MAF: variants seen among roughly 807,000 people sequenced by gnomAD.
The protein encoded by MAF is MAF bZIP transcription factor.
MAF carries 10 observed loss-of-function variants against 22.0 expected under a neutral mutation model. The observed-to-expected ratio is 0.45, with a 90% CI of 0.28 to 0.77. The LOEUF (loss-of-function observed/expected upper bound fraction) is 0.77, where lower values mean the gene tolerates loss of function less well. MAF is among the 30% of genes least tolerant of loss of function. MAF has a pLI of 0.12. For synonymous variants in MAF, 337 were observed against 255.8 expected, an observed-to-expected ratio of 1.32 and a Z score of -3.03; for missense variants, 544 against 548.4, an observed-to-expected ratio of 0.99 and a Z score of 0.08.
the MAF span, among the ~76,000 whole-genome samples, chr16:79,568,281 C>G: frequency 6.6e-5 from 10 of 152,198 alleles, no homozygotes; most frequent in Non-Finnish European, 1.2e-4. Context: ...CTAATGGTCC[C>G]TGGTGTCTTC....
At chr16:79,364,277 G>A in the MAF span, among the ~76,000 whole-genome samples, 8 of 152,174 alleles carry the variant, frequency 5.3e-5, no homozygotes, top group African/African-American at 1.9e-4. Context: ...GGAACTCAAG[G>A]TAGGGAAGGA....
the MAF span, among the ~76,000 whole-genome samples, chr16:79,311,927 G>C: frequency 6.6e-6 from 1 of 152,148 alleles, no homozygotes; most frequent in Non-Finnish European, 1.5e-5. Flanking sequence ...CTAGCCCATG[G>C]TAGTGAGGCA....
the MAF span, among the ~76,000 whole-genome samples, chr16:79,225,681 A>C: frequency 6.6e-6 from 1 of 152,218 alleles, no homozygotes; most frequent in East Asian, 1.9e-4. Context: ...AATTTACAAG[A>C]AAAAAAACCA....
At chr16:79,211,775 G>A in the MAF span, 1 of 1,614,124 alleles carries the variant, frequency 6.2e-7, no homozygotes, top group East Asian at 2.2e-5. Context: ...TCCAAGAACG[G>A]CTTGGCAGCC....
the MAF span, among the ~76,000 whole-genome samples, chr16:79,547,094 A>G: frequency 2.0e-5 from 3 of 152,128 alleles, no homozygotes; most frequent in Non-Finnish European, 4.4e-5. Flanking sequence ...CTGAAATCAG[A>G]CGTATCTAGC....
At chr16:79,234,365 T>C in the MAF span, among the ~76,000 whole-genome samples, 2 of 152,230 alleles carry the variant, frequency 1.3e-5, no homozygotes, top group African/African-American at 2.4e-5. Flanking sequence ...CACACGATGA[T>C]AGAAGAAATA....
chr16:79,428,191 G>C, the MAF span, among the ~76,000 whole-genome samples: 1 of 151,004 alleles, frequency 6.6e-6, no homozygotes. Flanking sequence ...GAAATAGATG[G>C]AGTGTCTTTC....
chr16:79,497,472 C>A, the MAF span, among the ~76,000 whole-genome samples: 4 of 152,238 alleles, frequency 2.6e-5, no homozygotes, highest in African/African-American at 9.6e-5. Context: ...TGGCTGTGCA[C>A]TGCCCAAGGT....
the MAF span, among the ~76,000 whole-genome samples, chr16:79,546,063 T>C: frequency 6.6e-6 from 1 of 151,924 alleles, no homozygotes; most frequent in African/African-American, 2.4e-5. Flanking sequence ...AATTATAAAA[T>C]AAAATATATC....
At chr16:79,557,488 T>C in the MAF span, among the ~76,000 whole-genome samples, 1 of 151,988 alleles carries the variant, frequency 6.6e-6, no homozygotes, top group Non-Finnish European at 1.5e-5. Flanking sequence ...TAAGATTGTT[T>C]TGGTTGTGGG....
At chr16:79,417,670 C>G in the MAF span, among the ~76,000 whole-genome samples, 1 of 152,190 alleles carries the variant, frequency 6.6e-6, no homozygotes, top group Admixed American at 6.5e-5. Context: ...TGGAGCAGTA[C>G]GGTCCTCCGT....
At position 79,599,077 on chromosome 16, in the gene MAF, G is replaced by C; in HGVS notation, c.826C>G (p.Arg276Gly). 6.2e-7 allele frequency: 1 copy of C among 1,609,784 alleles called. No individual in the cohort carries two copies. The highest frequency in any genetic ancestry group is 8.5e-7 in the Non-Finnish European group (1 of 1,179,604). Residue 276 changes from arginine to glycine, a missense_variant, in exon 1 of 2, where the codon CGG (arginine) becomes GGG (glycine). Coordinates refer to ENST00000326043, the MANE Select transcript of MAF (RefSeq NM_005360.5). ...LVTMSVRELN[R>G]QLRGVSKEEV... The stretch of plus-strand genomic sequence containing the variant: ...TCCTTGCTGACCCCGCGCAGCTGCC[G>C]GTTCAGCTCGCGCACAGACATGGTC...
chr16:79,312,558 C>A, the MAF span, among the ~76,000 whole-genome samples: 1 of 152,188 alleles, frequency 6.6e-6, no homozygotes, highest in Non-Finnish European at 1.5e-5. Flanking sequence ...TTTCCACGAG[C>A]CAGAGCAGAG....
chr16:79,521,405 A>C, the MAF span, among the ~76,000 whole-genome samples: 2 of 152,198 alleles, frequency 1.3e-5, no homozygotes, highest in African/African-American at 4.8e-5. Context: ...GATCTCTCAA[A>C]TGCAGATGAG....
the MAF span, chr16:79,211,997 G>C: frequency 4.7e-6 from 7 of 1,498,782 alleles, no homozygotes; most frequent in African/African-American, 1.4e-5. Context: ...ACTTTTCTGG[G>C]GCTGGGCTAG....
the MAF span, among the ~76,000 whole-genome samples, chr16:79,567,617 A>G: frequency 6.6e-5 from 10 of 152,212 alleles, no homozygotes; most frequent in Non-Finnish European, 1.2e-4. Flanking sequence ...AAATAAAGTG[A>G]GGGCTTCAGA....
At chr16:79,488,547 C>T in the MAF span, among the ~76,000 whole-genome samples, 31 of 152,186 alleles carry the variant, frequency 2.0e-4, no homozygotes, top group African/African-American at 5.3e-4. Flanking sequence ...AAACAAGGAA[C>T]GGGTCGAACA....
chr16:79,377,202 T>C, the MAF span, among the ~76,000 whole-genome samples: 2 of 152,210 alleles, frequency 1.3e-5, no homozygotes, highest in Middle Eastern at 3.2e-3. Flanking sequence ...CCTGACTTTT[T>C]AATGATCCCC....
chr16:79,536,540 G>A, the MAF span, among the ~76,000 whole-genome samples: 1 of 152,286 alleles, frequency 6.6e-6, no homozygotes, highest in East Asian at 1.9e-4. Flanking sequence ...TACTTGGTAG[G>A]CTGAGGCAGG....
Sources: gnomAD v4.1 joint callset for allele counts (sites outside exome capture counted in the v4.1 genomes callset) on GRCh38, gnomAD v4.1.1 for gene constraint, MANE v1.5 for transcripts, NCBI Gene and HGNC (gene_info 2026-07-23, HGNC 2026-07-21) for gene names.